Variants in GNA15 observed in about 807,000 individuals in gnomAD.
GNA15 encodes G protein subunit alpha 15.
A neutral mutation model predicts 40.1 loss-of-function variants in GNA15; 23 were observed. That is an observed-to-expected ratio of 0.57 (90% CI 0.41 to 0.81). The LOEUF (loss-of-function observed/expected upper bound fraction) is 0.81. Ranked by LOEUF, GNA15 falls within the 40% of genes least tolerant of loss-of-function variation. The probability of loss-of-function intolerance (pLI) is 0.00; values close to 1 mark genes in which losing one functional copy is unlikely to be tolerated. For synonymous variants in GNA15, 226 were observed against 210.4 expected (o/e 1.07, Z -0.64); for missense variants, 522 against 515.8 (o/e 1.01, Z -0.12).
In GNA15 at chr19:3,151,941, C is replaced by T. The variant is rs1422979023; in HGVS notation, c.614+106C>T. ...ATGAGTAGGAGTTTCTTAGGCCCAGCCTTCAAGGAGCTGCCAAGCTAGGGG... is the reference window on the plus strand; with the variant it reads ...ATGAGTAGGAGTTTCTTAGGCCCAGTCTTCAAGGAGCTGCCAAGCTAGGGG... On this transcript the variant is annotated intron_variant, in intron 4 of 6. Transcript: ENST00000262958. This position sits in a 1 kb window ranked among gnomAD's most constrained non-coding sequence, Gnocchi z 5.0. 4 of 800,592 alleles carry T rather than the reference C, an allele frequency of 5.0e-6. No individual in the cohort carries two copies. Among genetic ancestry groups the T allele is most frequent in the Non-Finnish European group, 5.7e-6 (3 of 528,766 alleles). The allele number at this position is 800,592 out of a possible 1,614,324, so 49.6% of individuals were successfully genotyped here.
chr19:3,157,813 A>G lies in GNA15; in HGVS notation c.830A>G (p.Asn277Ser). Residue 277 changes from asparagine (N) to serine (S), a missense_variant, in exon 6 of 7, where the codon AAC becomes AGC. Coordinates refer to ENST00000262958, the MANE Select transcript of GNA15 (RefSeq NM_002068.4). The stretch of plus-strand genomic sequence containing the variant: ...AGCACATCCGTCATCCTCTTTCTCA[A>G]CAAAACCGACATCCTGGAGGAGAAA... ...FKSTSVILFL[N>S]KTDILEEKIP... 1.2e-6 allele frequency: 2 copies of G among 1,613,698 alleles called. No homozygotes were observed. Among genetic ancestry groups the G allele is most frequent in the Non-Finnish European group, 1.7e-6 (2 of 1,179,608 alleles).
At chr19:3,145,358 TA>T (rs1178210357) in intron 1 of GNA15, among the ~76,000 whole-genome samples, 1,807 of 42,500 alleles carry the variant, frequency 0.043, 45 homozygotes, top group African/African-American at 0.15. Context: ...TATATATATA[TA>T]TTTTTTTTTT....
chr19:3,160,774 C>T (rs1915122824), intron 6 of GNA15, among the ~76,000 whole-genome samples: 1 of 152,128 alleles, frequency 6.6e-6, no homozygotes, highest in South Asian at 2.1e-4. Context: ...GCTTCTCTCT[C>T]AGCTTCTGGT....
rs778307519 is a variant in GNA15, at chr19:3,148,781, C to A, written c.330+6C>A. The A allele has an allele frequency of 2.5e-6, 4 of 1,589,072 alleles. No individual in the cohort carries two copies. The Admixed American group carries it at 7.0e-5, about 28-fold the overall frequency. On this transcript the variant is annotated splice_donor_region_variant and intron_variant, in intron 2 of 6. Coordinates refer to ENST00000262958, the MANE Select transcript of GNA15 (RefSeq NM_002068.4). ...TCAGCAGGCCCGAGAGCAAGGTGAGCCGCCAGGGCAGGCAGGGGCCCAGGG... is the reference window on the plus strand; with the variant it reads ...TCAGCAGGCCCGAGAGCAAGGTGAGACGCCAGGGCAGGCAGGGGCCCAGGG...
chr19:3,157,901 T>G lies in GNA15; in HGVS notation c.898+20T>G. 6.3e-7 allele frequency: 1 copy of G among 1,587,714 alleles called. No homozygotes were observed. Among genetic ancestry groups the G allele is most frequent in the Non-Finnish European group, 8.7e-7 (1 of 1,155,930 alleles). On this transcript the variant is annotated intron_variant, in intron 6 of 6. Coordinates refer to ENST00000262958, the MANE Select transcript of GNA15 (RefSeq NM_002068.4). ...TCCAGGGTAAGTAATTCTAGAACTTTCTATACCCTTCAACTCCCAAAAGCA... is the reference window on the plus strand; with the variant it reads ...TCCAGGGTAAGTAATTCTAGAACTTGCTATACCCTTCAACTCCCAAAAGCA...
Position 3,157,639 on chromosome 19 carries a change from T to C in GNA15, c.745-89T>C, listed in dbSNP as rs574567936. 4.2e-6 allele frequency: 5 copies of C among 1,201,590 alleles called. No homozygotes were observed. In the Admixed American group the frequency reaches 7.2e-5, roughly 17 times the overall value. The allele number at this position is 1,201,590 out of a possible 1,614,324, so 74.4% of individuals were successfully genotyped here. ...GCAGATAGGGGTGAGCCCATGCCCCTGGAGCCAACAGCCCCGTCTCCGCGA... is the reference window on the plus strand; with the variant it reads ...GCAGATAGGGGTGAGCCCATGCCCCCGGAGCCAACAGCCCCGTCTCCGCGA... On this transcript the variant is annotated intron_variant, in intron 5 of 6. Transcript: ENST00000262958.
chr19:3,159,955 G>A (rs920793276), intron 6 of GNA15, among the ~76,000 whole-genome samples: 5 of 152,182 alleles, frequency 3.3e-5, no homozygotes, highest in Admixed American at 1.3e-4. Flanking sequence ...CGTGGGGAAG[G>A]TACATATTCA....
In GNA15 at chr19:3,162,825, T is replaced by C. The variant is rs963088906; in HGVS notation, c.931T>C (p.Phe311Leu). 5 of 1,613,828 alleles carry C rather than the reference T, an allele frequency of 3.1e-6. No homozygotes were observed. Among genetic ancestry groups the C allele is most frequent in the Admixed American group, 1.7e-5 (1 of 60,012 alleles). Residue 311 changes from phenylalanine (F) to leucine (L), a missense_variant, in exon 7 of 7, where the codon TTC becomes CTC. By Grantham distance (22) the Phe-to-Leu change is conservative (BLOSUM62 0). Coordinates refer to ENST00000262958, the MANE Select transcript of GNA15 (RefSeq NM_002068.4). ...GCAGGATGCTGAGGCAGCCAAGAGG[T>C]TCATCCTGGACATGTACACGAGGAT... ...PKQDAEAAKR[F>L]ILDMYTRMYT...
chr19:3,148,708 T>C lies in GNA15; in HGVS notation c.263T>C (p.Val88Ala). The C allele has an allele frequency of 1.9e-6, 3 of 1,603,036 alleles. No homozygotes were observed. The highest frequency in any genetic ancestry group is 2.6e-6 in the Non-Finnish European group (3 of 1,175,320). Reference sequence around the variant, plus strand: ...CCCCTGGTCTACCAGAACATCTTCGTGTCCATGCGGGCCATGATCGAGGCC... The same window carrying C: ...CCCCTGGTCTACCAGAACATCTTCGCGTCCATGCGGGCCATGATCGAGGCC... ...FRPLVYQNIF[V>A]SMRAMIEAME... The change falls in exon 2 of 7, where the codon GTG (valine) becomes GCG (alanine). Residue 88 changes from valine to alanine, a missense_variant. Coordinates refer to ENST00000262958, the MANE Select transcript of GNA15 (RefSeq NM_002068.4).
chr19:3,159,604 AAGTGCTGGGATTAC>A (rs1915101781), intron 6 of GNA15, among the ~76,000 whole-genome samples: 1 of 152,068 alleles, frequency 6.6e-6, no homozygotes, highest in South Asian at 2.1e-4. Context: ...CTCGGCCTCA[AAGTGCTGGGATTAC>A]AGGCGTGAGC....
At position 3,151,403 on chromosome 19, in the gene GNA15, A is replaced by G. The variant is rs1184573526; in HGVS notation, c.486-304A>G. Among the ~76,000 whole-genome samples the G allele has an allele frequency of 6.6e-6, 1 of 152,054 alleles. No homozygotes were observed. Among genetic ancestry groups the G allele is most frequent in the Non-Finnish European group, 1.5e-5 (1 of 67,972 alleles). On this transcript the variant is annotated intron_variant, in intron 3 of 6. Transcript: ENST00000262958. This position sits in a 1 kb window ranked among gnomAD's most constrained non-coding sequence, Gnocchi z 5.0. ...GGAAGACTGTTCCCAGGCTACCAGC[A>G]TTCTTGGGGTAGCGCCACCCCTGCC...
Position 3,155,676 on chromosome 19 carries a change from G to A in GNA15, c.615-147G>A. 2.3e-6 allele frequency: 2 copies of A among 886,846 alleles called. No individual in the cohort carries two copies. Among genetic ancestry groups the A allele is most frequent in the Non-Finnish European group, 1.7e-6 (1 of 579,126 alleles). The allele number at this position is 886,846 out of a possible 1,614,324, so 54.9% of individuals were successfully genotyped here. A position where few individuals can be genotyped will look rare whatever the true frequency, so the allele number is the denominator to read the frequency against. Reference sequence around the variant, plus strand: ...GCGTAAGACTCATCCTTGCCTCGCGGGAATGACATGGCAAATCCACGAGAG... The same window carrying A: ...GCGTAAGACTCATCCTTGCCTCGCGAGAATGACATGGCAAATCCACGAGAG... On this transcript the variant is annotated intron_variant, in intron 4 of 6. Coordinates refer to ENST00000262958, the MANE Select transcript of GNA15 (RefSeq NM_002068.4). The surrounding 1 kb of genome is among the most constrained non-coding windows in gnomAD (Gnocchi z 5.6).
chr19:3,153,513 A>G (rs1316195681), intron 4 of GNA15, among the ~76,000 whole-genome samples: 7 of 150,390 alleles, frequency 4.7e-5, no homozygotes, highest in African/African-American at 1.7e-4. Context: ...TGGGTGATAC[A>G]TGAATGGATG....
intron 6 of GNA15, among the ~76,000 whole-genome samples, chr19:3,160,593 AG>A (rs1393301463): frequency 6.6e-6 from 1 of 152,208 alleles, no homozygotes; most frequent in Non-Finnish European, 1.5e-5. Context: ...CAGGGAGGGA[AG>A]GAAGTGACGG....
intron 5 of GNA15, among the ~76,000 whole-genome samples, chr19:3,156,294 GAC>G (rs1185410749): frequency 2.0e-5 from 3 of 149,618 alleles, no homozygotes; most frequent in Admixed American, 1.3e-4. Flanking sequence ...GCACACACGG[GAC>G]ACATGTACAC....
chr19:3,152,569 C>T (rs1245716934), intron 4 of GNA15, among the ~76,000 whole-genome samples: 2 of 152,066 alleles, frequency 1.3e-5, no homozygotes. Context: ...GCACCCTAAC[C>T]CTAACCCTAA....
intron 6 of GNA15, among the ~76,000 whole-genome samples, chr19:3,162,328 T>C (rs1454979065): frequency 6.6e-6 from 1 of 151,292 alleles, no homozygotes; most frequent in Non-Finnish European, 1.5e-5. Context: ...TAATCCCAGC[T>C]ACTGCCAAGA....
At chr19:3,161,917 C>T (rs1164758207) in intron 6 of GNA15, among the ~76,000 whole-genome samples, 1 of 151,338 alleles carries the variant, frequency 6.6e-6, no homozygotes, top group African/African-American at 2.4e-5. Flanking sequence ...CCTGTCATCC[C>T]AGTTACTCGG....
chr19:3,138,386 G>A (rs1038602249), intron 1 of GNA15, among the ~76,000 whole-genome samples: 1 of 152,256 alleles, frequency 6.6e-6, no homozygotes, highest in Non-Finnish European at 1.5e-5. Flanking sequence ...GCTAGCCTGG[G>A]AGGGTCTTCT....
Sources: gnomAD v4.1 joint callset for allele counts (sites outside exome capture counted in the v4.1 genomes callset) on GRCh38, gnomAD v4.1.1 for gene constraint, Gnocchi (gnomAD v3.1) non-coding constraint, MANE v1.5 for transcripts, NCBI Gene and HGNC (gene_info 2026-07-23, HGNC 2026-07-21) for gene names.